The following IKZF4 variants were observed in gnomAD, a reference collection of about 807,000 sequenced individuals.
IKZF4 encodes the protein IKAROS family zinc finger 4, also known as zinc finger protein Eos.
IKZF4 carries 11 observed loss-of-function variants against 47.7 expected under a neutral mutation model. The ratio of observed to expected loss-of-function variants is 0.23; its 90% CI spans 0.15 to 0.38. The LOEUF (loss-of-function observed/expected upper bound fraction) is 0.38, where lower values mean the gene tolerates loss of function less well. Ranked by LOEUF, IKZF4 falls within the 10% of genes least tolerant of loss-of-function variation. The pLI is 1.00. For missense variants in IKZF4, 557 were observed against 784.9 expected (o/e 0.71, Z 3.47); for synonymous variants, 298 against 299.4 (o/e 1.00, Z 0.05).
chr12:56,016,066 T>A (rs1892004228), upstream of IKZF4, among the ~76,000 whole-genome samples: 1 of 148,664 alleles, frequency 6.7e-6, no homozygotes, highest in African/African-American at 2.5e-5. Context: ...TGACAAAATG[T>A]AAGAGAGAAT....
At chr12:56,027,982 C>T (rs1894287201) in intron 5 of IKZF4, 35 bp downstream of exon 5, 2 of 1,520,638 alleles carry the variant, frequency 1.3e-6, no homozygotes, top group East Asian at 2.3e-5. Context: ...GGGAATGAGG[C>T]TCCAACACAC....
intron 4 of IKZF4, among the ~76,000 whole-genome samples, chr12:56,027,352 A>G (rs558205757): frequency 2.6e-5 from 4 of 151,832 alleles, no homozygotes; most frequent in African/African-American, 9.7e-5. Context: ...GAATGAGCCA[A>G]TGGTCCAATA....
chr12:56,027,838 G>C lies in IKZF4; in HGVS notation c.606G>C (p.Leu202=), dbSNP rs112534278. Residue 202 remains leucine, a synonymous_variant, in exon 5 of 8, where the codon CTG becomes CTC. Coordinates refer to ENST00000547167, the MANE Select transcript of IKZF4 (RefSeq NM_022465.4). ...CGASFTQKGN[L]LRHIKLHSGE... ...CCTCCTTCACCCAGAAGGGGAACCTGCTGCGCCACATCAAGCTGCACTCTG... is the reference window on the plus strand; with the variant it reads ...CCTCCTTCACCCAGAAGGGGAACCTCCTGCGCCACATCAAGCTGCACTCTG... The C allele has an allele frequency of 3.5e-5, 56 of 1,613,320 alleles. No homozygotes were observed. Among genetic ancestry groups the C allele is most frequent in the Non-Finnish European group, 4.7e-5 (55 of 1,179,588 alleles).
At chr12:56,019,809 T>C (rs1025634135), upstream of IKZF4, among the ~76,000 whole-genome samples, 3 of 152,274 alleles carry the variant, frequency 2.0e-5, no homozygotes, top group Non-Finnish European at 4.4e-5. Context: ...CACCGTGCTA[T>C]GAAACCAAGT....
chr12:56,027,436 C>T (rs1264924096), intron 4 of IKZF4, among the ~76,000 whole-genome samples: 1 of 149,108 alleles, frequency 6.7e-6, no homozygotes, highest in Non-Finnish European at 1.5e-5. Flanking sequence ...ACAACAACAA[C>T]AAAACAGAAA....
At chr12:56,018,257 T>G (rs1466889369), upstream of IKZF4, 6 of 1,057,016 alleles carry the variant, frequency 5.7e-6, no homozygotes, top group Non-Finnish European at 6.4e-6. Context: ...GCCTTCAGCC[T>G]AGGCACACAG....
At position 56,021,620 on chromosome 12, in the gene IKZF4, G is replaced by C. The variant is rs765221096; in HGVS notation, c.87+40G>C. 9 of 1,568,258 alleles carry C rather than the reference G, an allele frequency of 5.7e-6. No homozygotes were observed. The Admixed American group carries it at 5.8e-5, about 10-fold the overall frequency. ...AAGGCGGCTAGTGGAGGGAGGAAGG[G>C]GGGTGCTGGGGCTAGGGAGCCAATT... On this transcript the variant is annotated intron_variant, in intron 1 of 7. Transcript: ENST00000547167.
In IKZF4 at chr12:56,035,097, C is replaced by T; in HGVS notation, c.1524C>T (p.Gly508=). 6.2e-7 allele frequency: 1 copy of T among 1,606,306 alleles called. No homozygotes were observed. The change falls in exon 8 of 8, where the codon GGC becomes GGT. Residue 508 remains glycine, a synonymous_variant. Coordinates refer to ENST00000547167, the MANE Select transcript of IKZF4 (RefSeq NM_022465.4). The surrounding 1 kb of genome is among the most constrained non-coding windows in gnomAD (Gnocchi z 6.1). ...AGCCACAGGAGGGGTTATTGCGGGGCACCCCAGGCCCCTCCAAGGAAGTGC... is the reference window on the plus strand; with the variant it reads ...AGCCACAGGAGGGGTTATTGCGGGGTACCCCAGGCCCCTCCAAGGAAGTGC... ...DPKPQEGLLR[G]TPGPSKEVLR...
intron 6 of IKZF4, among the ~76,000 whole-genome samples, chr12:56,032,927 A>T (rs1329072372): frequency 6.6e-6 from 1 of 152,180 alleles, no homozygotes; most frequent in Non-Finnish European, 1.5e-5. Flanking sequence ...AGGTAGGGGA[A>T]GTTTGGGTCT....
intron 2 of IKZF4, chr12:56,011,538 C>T (rs1216500038): frequency 6.6e-6 from 1 of 152,138 alleles, no homozygotes; most frequent in Admixed American, 6.6e-5. Flanking sequence ...TCAGCTCTTA[C>T]CCCTTTTTAT....
chr12:56,019,340 G>A (rs1479097779), upstream of IKZF4: 2 of 984,014 alleles, frequency 2.0e-6, no homozygotes, highest in Non-Finnish European at 2.4e-6. Context: ...AGGAATTATT[G>A]GCATGCACTA....
At position 56,025,099 on chromosome 12, in the gene IKZF4, T is replaced by C. The variant is rs924338137; in HGVS notation, c.227T>C (p.Val76Ala). The C allele has an allele frequency of 1.2e-6, 2 of 1,602,948 alleles. No individual in the cohort carries two copies. The highest frequency in any genetic ancestry group is 2.2e-5 in the East Asian group (1 of 44,456). The change falls in exon 3 of 8, where the codon GTG becomes GCG. Residue 76 changes from valine to alanine, a missense_variant. Physicochemically the swap from Val to Ala is moderately conservative, Grantham distance 64. This residue lies in a region of IKZF4 where 112 missense variants were observed against 168.2 expected (regional missense o/e 0.67). Transcript: ENST00000547167. ...GAGAAGGAGTTCCTCGGGGCCCCAGTGGGGCCCTCGGTGAGCACCCCCAAC... is the reference window on the plus strand; with the variant it reads ...GAGAAGGAGTTCCTCGGGGCCCCAGCGGGGCCCTCGGTGAGCACCCCCAAC... ...SLEKEFLGAP[V>A]GPSVSTPNSQ...
chr12:56,025,204 T>TG, intron 3 of IKZF4, 46 bp downstream of exon 3: 8 of 1,485,216 alleles, frequency 5.4e-6, no homozygotes, highest in Non-Finnish European at 7.1e-6. Context: ...CACCCCCTGT[T>TG]GCATTTGGCC....
intron 2 of IKZF4, chr12:56,011,564 T>C (rs940506746): frequency 1.3e-5 from 2 of 152,110 alleles, no homozygotes; most frequent in Non-Finnish European, 2.9e-5. Flanking sequence ...AGACTGGCCA[T>C]TCCTAGGATG....
At chr12:56,007,760 G>C (rs1890874673) in intron 1 of IKZF4, 1 of 152,216 alleles carries the variant, frequency 6.6e-6, no homozygotes. Context: ...GGCTTGGTGG[G>C]GGTAAAGCGG....
chr12:56,014,317 G>C (rs140346552), intron 2 of IKZF4, among the ~76,000 whole-genome samples: 1 of 152,304 alleles, frequency 6.6e-6, no homozygotes, highest in African/African-American at 2.4e-5. Flanking sequence ...AGAAAGTCCA[G>C]CTCAGAAAAC....
intron 4 of IKZF4, 97 bp from the exon 5 acceptor site, chr12:56,027,683 C>A: frequency 1.6e-6 from 2 of 1,269,874 alleles, no homozygotes; most frequent in Non-Finnish European, 1.1e-6. Context: ...GTTCAGAGCA[C>A]CTTCCCTTGG....
chr12:56,033,710 CAAAAGAA>C lies in IKZF4; in HGVS notation c.997+402_997+408del, dbSNP rs554581061. On this transcript the variant is annotated intron_variant, in intron 7 of 7. Coordinates refer to ENST00000547167, the MANE Select transcript of IKZF4 (RefSeq NM_022465.4). ...TGGGCAACAGAGCAAGACTCCGTCT[CAAAAGAA>C]AAAAGAAAAAAGGAAAGAAAGAAAG... Among the ~76,000 whole-genome samples, 378 of 151,650 alleles carry C rather than the reference CAAAAGAA, an allele frequency of 2.5e-3. 2 individuals carry two copies. Among genetic ancestry groups the C allele is most frequent in the African/African-American group, 7.4e-3 (305 of 41,338 alleles).
rs1895760381 is a variant in IKZF4, at chr12:56,037,992, AG to A, written c.*2662del. The stretch of plus-strand genomic sequence containing the variant: ...TTCCAGACCTTTGTTTTTTTGTGTC[AG>A]TGTCCAAGCTGCAGATAGGATTTTG... On this transcript the variant is annotated 3_prime_UTR_variant, in exon 8 of 8. Transcript: ENST00000547167. 6.6e-6 allele frequency: 1 copy of A among 151,372 alleles called. No homozygotes were observed. The highest frequency in any genetic ancestry group is 1.5e-5 in the Non-Finnish European group (1 of 67,892). 9.4% of individuals were successfully genotyped at this position (151,372 alleles called of 1,614,324 possible).
Sources: allele counts gnomAD v4.1 joint callset (sites outside exome capture counted in the v4.1 genomes callset), GRCh38; gene constraint gnomAD v4.1.1; regional missense constraint gnomAD v4.1.1; non-coding constraint Gnocchi (gnomAD v3.1); transcripts MANE v1.5; gene names NCBI Gene and HGNC (gene_info 2026-07-23, HGNC 2026-07-21).